Variants in STK39 observed in about 807,000 individuals in gnomAD.
STK39 encodes serine/threonine kinase 39, also known as STE20/SPS1-related proline-alanine-rich protein kinase.
Under a neutral mutation model 77.8 loss-of-function variants are expected in STK39, and 20 were observed. That is an observed-to-expected ratio of 0.26 (90% CI 0.18 to 0.37). The LOEUF (loss-of-function observed/expected upper bound fraction) is 0.37, where lower values mean the gene tolerates loss of function less well. Among genes scored for constraint, STK39 ranks in the 10% least tolerant of loss-of-function variants. STK39 has a pLI of 1.00. For missense variants in STK39, 479 were observed against 656.5 expected (o/e 0.73, Z 2.95); for synonymous variants, 246 against 234.1 (o/e 1.05, Z -0.47).
chr2:168,171,853 A>AC (rs1688834930), intron 2 of STK39, among the ~76,000 whole-genome samples: 2 of 62,304 alleles, frequency 3.2e-5, no homozygotes, highest in Non-Finnish European at 6.5e-5. Context: ...CGCCCCCCCC[A>AC]CTCCCCCCTC....
chr2:167,986,310 G>T (rs16854461), intron 16 of STK39, among the ~76,000 whole-genome samples: 5,578 of 152,272 alleles, frequency 0.037, 359 homozygotes, highest in African/African-American at 0.13. Context: ...AAGGACTAGA[G>T]GGGAATTAAA....
At chr2:168,092,902 T>C (rs1160747953) in intron 10 of STK39, among the ~76,000 whole-genome samples, 1 of 152,200 alleles carries the variant, frequency 6.6e-6, no homozygotes, top group East Asian at 1.9e-4. Flanking sequence ...GTGTGCAGGC[T>C]ACGCACTCCC....
intron 16 of STK39, among the ~76,000 whole-genome samples, chr2:167,999,394 C>A (rs1056562301): frequency 6.6e-6 from 1 of 152,186 alleles, no homozygotes; most frequent in Non-Finnish European, 1.5e-5. Context: ...TTCTTGAGGG[C>A]AAGGACCCTG....
intron 1 of STK39, among the ~76,000 whole-genome samples, chr2:168,227,589 T>G (rs1333477429): frequency 6.6e-6 from 1 of 152,204 alleles, no homozygotes; most frequent in Non-Finnish European, 1.5e-5. Context: ...CACTACTCTG[T>G]TCAAACACAT....
chr2:168,090,291 TTGAATGAA>T (rs35981068), intron 10 of STK39, among the ~76,000 whole-genome samples: 48 of 151,514 alleles, frequency 3.2e-4, no homozygotes, highest in African/African-American at 1.1e-3. Context: ...GATACATTTG[TTGAATGAA>T]TGAATGAATG....
chr2:168,096,930 G>T (rs6705543), intron 10 of STK39, among the ~76,000 whole-genome samples: 2 of 151,936 alleles, frequency 1.3e-5, no homozygotes, highest in East Asian at 3.9e-4. Flanking sequence ...CCTTTCAATG[G>T]GTATAAACGT....
At chr2:168,245,799 G>A (rs1381288540) in intron 1 of STK39, among the ~76,000 whole-genome samples, 2 of 152,198 alleles carry the variant, frequency 1.3e-5, no homozygotes, top group East Asian at 3.8e-4. Context: ...ATTTCAGGCA[G>A]TGACATGAAG....
intron 10 of STK39, among the ~76,000 whole-genome samples, chr2:168,111,648 G>C (rs1045490062): frequency 9.2e-5 from 14 of 152,044 alleles, no homozygotes; most frequent in Admixed American, 4.6e-4. Context: ...ATACAGCGAG[G>C]GGAAAAATAG....
intron 1 of STK39, among the ~76,000 whole-genome samples, chr2:168,208,362 C>G (rs2105690363): frequency 6.6e-6 from 1 of 152,274 alleles, no homozygotes; most frequent in Admixed American, 6.5e-5. Flanking sequence ...ACATAGCACA[C>G]AAATCAACAA....
intron 16 of STK39, among the ~76,000 whole-genome samples, chr2:167,992,755 G>A (rs1478294296): frequency 6.6e-6 from 1 of 152,072 alleles, no homozygotes; most frequent in East Asian, 1.9e-4. Context: ...ATATAATTAA[G>A]GTTGAATTTC....
intron 17 of STK39, among the ~76,000 whole-genome samples, chr2:167,958,139 T>TG (rs201970949): frequency 0.011 from 1,609 of 152,334 alleles, 31 homozygotes; most frequent in African/African-American, 0.037. Context: ...GTTCAAACTT[T>TG]GGGGTCTTAG....
chr2:167,956,287 G>A (rs1449869210), intron 17 of STK39, among the ~76,000 whole-genome samples: 1 of 152,206 alleles, frequency 6.6e-6, no homozygotes, highest in Admixed American at 6.5e-5. Flanking sequence ...GGCCAGGCAT[G>A]GCGGCTCACG....
chr2:168,082,085 C>T (rs1462831083), intron 10 of STK39, among the ~76,000 whole-genome samples: 1 of 152,240 alleles, frequency 6.6e-6, no homozygotes, highest in Non-Finnish European at 1.5e-5. Context: ...CCCTCTTTCC[C>T]TGCTGTGTGC....
At chr2:168,234,591 T>G (rs1472321599) in intron 1 of STK39, among the ~76,000 whole-genome samples, 1 of 152,112 alleles carries the variant, frequency 6.6e-6, no homozygotes, top group East Asian at 1.9e-4. Context: ...CACCTTACTT[T>G]ACAACACACA....
At chr2:168,012,554 T>G in intron 16 of STK39, 80 bp downstream of exon 16, 1 of 1,094,182 alleles carries the variant, frequency 9.1e-7, no homozygotes, top group Non-Finnish European at 1.4e-6. Flanking sequence ...GAATTATTCC[T>G]TAATGAACAC....
intron 2 of STK39, among the ~76,000 whole-genome samples, chr2:168,168,989 A>C (rs944981973): frequency 1.1e-4 from 17 of 152,224 alleles, no homozygotes; most frequent in Admixed American, 4.6e-4. Flanking sequence ...TCTCAAAAAA[A>C]AATTAAAAAA....
intron 17 of STK39, among the ~76,000 whole-genome samples, chr2:167,956,728 T>TCCCCCCCCC (rs1235889078): frequency 3.7e-5 from 2 of 53,568 alleles, no homozygotes; most frequent in Non-Finnish European, 6.8e-5. Context: ...TCTCTCTCTC[T>TCCCCCCCCC]CCCCCCCCGC....
intron 1 of STK39, among the ~76,000 whole-genome samples, chr2:168,230,984 C>T: frequency 6.6e-6 from 1 of 152,176 alleles, no homozygotes; most frequent in East Asian, 1.9e-4. Flanking sequence ...CACCCACCAC[C>T]CTACCAGACT....
intron 1 of STK39, among the ~76,000 whole-genome samples, chr2:168,218,191 C>A (rs1690073413): frequency 6.6e-6 from 1 of 152,148 alleles, no homozygotes; most frequent in African/African-American, 2.4e-5. Context: ...CAGATAACCC[C>A]ACACTCTAAC....
Sources: gnomAD v4.1 joint callset for allele counts (sites outside exome capture counted in the v4.1 genomes callset) on GRCh38, gnomAD v4.1.1 for gene constraint, MANE v1.5 for transcripts, NCBI Gene and HGNC (gene_info 2026-07-23, HGNC 2026-07-21) for gene names.